Variants in TUSC3 observed in about 807,000 individuals in gnomAD.
TUSC3 encodes the protein tumor suppressor candidate 3, also known as dolichyl-diphosphooligosaccharide--protein glycosyltransferase subunit TUSC3.
Under a neutral mutation model 44.8 loss-of-function variants are expected in TUSC3, and 45 were observed. That is an observed-to-expected ratio of 1.00 (90% CI 0.79 to 1.29). The LOEUF (loss-of-function observed/expected upper bound fraction) is 1.29. Among genes scored for constraint, TUSC3 ranks in the 50% most tolerant of loss-of-function variants. The pLI is 0.00. For synonymous variants in TUSC3, 212 were observed against 152.9 expected (o/e 1.39, Z -2.85); for missense variants, 519 against 437.9 (o/e 1.19, Z -1.65).
In TUSC3 at chr8:15,732,914, C is replaced by T. The variant is rs550940004; in HGVS notation, c.862+2185C>T. On this transcript the variant is annotated intron_variant, in intron 7 of 10. Transcript: ENST00000503731. ...TTGGATACATACGTGAAATTGGGCACATCTGCAGCCCATTTCTTGCTTACA... is the reference window on the plus strand; with the variant it reads ...TTGGATACATACGTGAAATTGGGCATATCTGCAGCCCATTTCTTGCTTACA... 2.0e-5 allele frequency among the ~76,000 whole-genome samples: 3 copies of T among 152,288 alleles called. No individual in the cohort carries two copies. In the East Asian group the frequency reaches 5.8e-4, roughly 29 times the overall value.
At chr8:15,591,172 C>G (rs1365863244) in intron 1 of TUSC3, among the ~76,000 whole-genome samples, 1 of 151,896 alleles carries the variant, frequency 6.6e-6, no homozygotes, top group Non-Finnish European at 1.5e-5. Flanking sequence ...TAAAAGTTGC[C>G]AAAAATGAAC....
intron 1 of TUSC3, among the ~76,000 whole-genome samples, chr8:15,549,116 A>G (rs558824102): frequency 1.3e-4 from 20 of 151,990 alleles, no homozygotes; most frequent in African/African-American, 4.8e-4. Flanking sequence ...TTTATACCTC[A>G]GGTATATTTG....
intron 2 of TUSC3, among the ~76,000 whole-genome samples, chr8:15,525,047 C>G (rs552011086): frequency 2.0e-5 from 3 of 152,300 alleles, no homozygotes; most frequent in Middle Eastern, 3.4e-3. Context: ...TTGAGACTAA[C>G]TCTCAAGGTA....
chr8:15,764,079 G>C (rs530805007), intron 10 of TUSC3, 124 bp from the exon 11 acceptor site: 1 of 1,025,818 alleles, frequency 9.7e-7, no homozygotes, highest in South Asian at 1.5e-5. Flanking sequence ...ATTACAATTA[G>C]TTGAATACAA....
intron 2 of TUSC3, among the ~76,000 whole-genome samples, chr8:15,524,028 C>T (rs189447218): frequency 1.0e-4 from 15 of 143,576 alleles, no homozygotes; most frequent in Non-Finnish European, 2.2e-4. Context: ...TGCACTCCAG[C>T]TTGGCAACAG....
Position 15,764,375 on chromosome 8 carries a change from G to C in TUSC3, c.*219G>C, listed in dbSNP as rs887900824. The C allele has an allele frequency of 4.6e-5, 33 of 711,958 alleles. No homozygotes were observed. In the East Asian group the frequency reaches 9.0e-4, roughly 19 times the overall value. The allele number at this position is 711,958 out of a possible 1,614,324, so 44.1% of individuals were successfully genotyped here. ...GTTTTCCTAGTAAATTTAATTTACA[G>C]AAATCAATGGTAGCATTTAGTAATC... On this transcript the variant is annotated 3_prime_UTR_variant, in exon 11 of 11. Transcript: ENST00000503731.
chr8:15,622,927 ATCTT>A (rs1327879438), intron 1 of TUSC3, among the ~76,000 whole-genome samples, 149 bp from the exon 2 acceptor site: 3 of 152,134 alleles, frequency 2.0e-5, no homozygotes, highest in Non-Finnish European at 4.4e-5. Flanking sequence ...TGTCCTTTCT[ATCTT>A]TCTAGGAGCA....
chr8:15,690,538 G>C (rs1275720789), intron 6 of TUSC3, among the ~76,000 whole-genome samples: 1 of 151,878 alleles, frequency 6.6e-6, no homozygotes, highest in East Asian at 1.9e-4. Context: ...CTTTTTCTTG[G>C]AGTTGCTTTG....
At chr8:15,843,105 A>G in the TUSC3 span, among the ~76,000 whole-genome samples, 2 of 152,312 alleles carry the variant, frequency 1.3e-5, no homozygotes, top group East Asian at 3.9e-4. Flanking sequence ...GCAAAATAAC[A>G]GAATTTACTC....
chr8:15,532,887 G>C (rs1801469321), intron 2 of TUSC3, among the ~76,000 whole-genome samples: 1 of 152,158 alleles, frequency 6.6e-6, no homozygotes, highest in South Asian at 2.1e-4. Context: ...CCACCTCCCA[G>C]GTTCTAGAGA....
chr8:15,511,579 A>T (rs532605034), intron 2 of TUSC3, among the ~76,000 whole-genome samples: 10 of 152,316 alleles, frequency 6.6e-5, no homozygotes, highest in African/African-American at 1.9e-4. Context: ...TAAAAGGTGT[A>T]TAAGAAAGGA....
chr8:15,818,154 G>A, the TUSC3 span, among the ~76,000 whole-genome samples: 2 of 152,140 alleles, frequency 1.3e-5, no homozygotes, highest in African/African-American at 2.4e-5. Context: ...ATTCTGTCAG[G>A]GGATGATGTC....
chr8:15,444,028 G>A (rs1385698813), intron 1 of TUSC3, among the ~76,000 whole-genome samples: 2 of 152,204 alleles, frequency 1.3e-5, no homozygotes, highest in Admixed American at 6.5e-5. Context: ...GATTTAAGTA[G>A]TAATAAAACC....
At chr8:15,836,166 G>T in the TUSC3 span, among the ~76,000 whole-genome samples, 2 of 151,252 alleles carry the variant, frequency 1.3e-5, no homozygotes, top group Admixed American at 6.6e-5. Flanking sequence ...TTTCAAAATG[G>T]TATAATCACA....
intron 1 of TUSC3, among the ~76,000 whole-genome samples, chr8:15,554,743 C>T (rs1039133541): frequency 6.6e-6 from 1 of 150,504 alleles, no homozygotes; most frequent in African/African-American, 2.4e-5. Flanking sequence ...GCTGGGACCA[C>T]AGGCGCCCTC....
chr8:15,734,882 T>C (rs1223356496), intron 7 of TUSC3, among the ~76,000 whole-genome samples: 1 of 152,132 alleles, frequency 6.6e-6, no homozygotes, highest in Non-Finnish European at 1.5e-5. Context: ...AATACAAATT[T>C]TGAGGAGATT....
intron 1 of TUSC3, among the ~76,000 whole-genome samples, chr8:15,471,200 C>T (rs1800489215): frequency 6.6e-6 from 1 of 152,138 alleles, no homozygotes; most frequent in Admixed American, 6.5e-5. Flanking sequence ...CATCGTCTTA[C>T]TTCCTTTGAT....
intron 6 of TUSC3, among the ~76,000 whole-genome samples, chr8:15,704,180 TGAGA>T (rs1307365043): frequency 1.3e-5 from 2 of 150,896 alleles, no homozygotes; most frequent in South Asian, 4.2e-4. Flanking sequence ...CTGAAGGAAA[TGAGA>T]GAGTGATTTA....
chr8:15,658,785 T>C (rs1406431856), intron 3 of TUSC3, among the ~76,000 whole-genome samples: 1 of 151,992 alleles, frequency 6.6e-6, no homozygotes, highest in East Asian at 1.9e-4. Context: ...TTAGATATTG[T>C]TAAATAAGCA....
Sources: gnomAD v4.1 joint callset for allele counts (sites outside exome capture counted in the v4.1 genomes callset) on GRCh38, gnomAD v4.1.1 for gene constraint, MANE v1.5 for transcripts, NCBI Gene and HGNC (gene_info 2026-07-23, HGNC 2026-07-21) for gene names.